SEMA3C: variants seen among roughly 807,000 people sequenced by gnomAD.
SEMA3C encodes the protein semaphorin 3C.
SEMA3C carries 47 observed loss-of-function variants against 89.4 expected under a neutral mutation model. That is an observed-to-expected ratio of 0.53 (90% confidence interval 0.42 to 0.67). The LOEUF (loss-of-function observed/expected upper bound fraction) is 0.67, where lower values mean the gene tolerates loss of function less well. SEMA3C is among the 30% of genes least tolerant of loss of function. The probability of loss-of-function intolerance (pLI) is 0.00; values close to 1 mark genes in which losing one functional copy is unlikely to be tolerated. For missense variants in SEMA3C, 839 were observed against 929.1 expected, an observed-to-expected ratio of 0.90 and a Z score of 1.26; for synonymous variants, 310 against 320.2, an observed-to-expected ratio of 0.97 and a Z score of 0.34.
intron 5 of SEMA3C, among the ~76,000 whole-genome samples, chr7:80,817,608 C>CATATTTGACTATACATTAGCTAT (rs537870867): frequency 0.024 from 3,637 of 152,000 alleles, 160 homozygotes; most frequent in African/African-American, 0.083. Flanking sequence ...CAACCAGCCT[C>CATATTTGACTATACATTAGCTAT]ATATTTGACT....
chr7:80,807,170 T>C (rs1789361239), intron 6 of SEMA3C, among the ~76,000 whole-genome samples: 1 of 152,224 alleles, frequency 6.6e-6, no homozygotes, highest in South Asian at 2.1e-4. Context: ...GGCAACTTTG[T>C]AAATAATTAT....
At chr7:80,857,096 C>T (rs1233499135) in intron 2 of SEMA3C, among the ~76,000 whole-genome samples, 1 of 152,126 alleles carries the variant, frequency 6.6e-6, no homozygotes, top group Non-Finnish European at 1.5e-5. Flanking sequence ...TCACCAATAT[C>T]TATTTTTTAA....
intron 6 of SEMA3C, among the ~76,000 whole-genome samples, chr7:80,807,556 T>A (rs1282103951): frequency 6.6e-6 from 1 of 152,214 alleles, no homozygotes; most frequent in African/African-American, 2.4e-5. Flanking sequence ...AGAAATAAAC[T>A]TGTGCCTTTT....
At position 80,893,562 on chromosome 7, in the gene SEMA3C, G is replaced by T. The variant is rs143300153; in HGVS notation, c.103+23117C>A. On this transcript the variant is annotated intron_variant, in intron 2 of 17. Coordinates refer to ENST00000265361, the MANE Select transcript of SEMA3C (RefSeq NM_006379.5). The stretch of plus-strand genomic sequence containing the variant: ...GGGATTGTAAGTTCATGGCAAGAAA[G>T]AAATTTACCAATTACTGATGTCTGT... 7.2e-5 allele frequency among the ~76,000 whole-genome samples: 11 copies of T among 152,142 alleles called. No individual in the cohort carries two copies. In the East Asian group the frequency reaches 2.1e-3, roughly 29 times the overall value.
chr7:80,772,313 G>A (rs1788450942), intron 12 of SEMA3C, among the ~76,000 whole-genome samples: 1 of 152,150 alleles, frequency 6.6e-6, no homozygotes, highest in African/African-American at 2.4e-5. Context: ...ACTGAATCAT[G>A]AGTTTATAAA....
chr7:80,747,197 GA>G (rs1210200568), intron 17 of SEMA3C, among the ~76,000 whole-genome samples: 5 of 151,772 alleles, frequency 3.3e-5, no homozygotes, highest in Non-Finnish European at 7.4e-5. Flanking sequence ...TTTGAGATTG[GA>G]AAAAAAGTCA....
rs762543934 is a variant in SEMA3C at position 80,810,685 on chromosome 7, A to G, written c.464T>C (p.Ile155Thr). 3 of 1,613,626 alleles carry G rather than the reference A, an allele frequency of 1.9e-6. No individual in the cohort carries two copies. The highest frequency in any genetic ancestry group is 2.5e-6 in the Non-Finnish European group (3 of 1,179,636). The change falls in exon 6 of 18, where the codon ATT becomes ACT. Residue 155 changes from isoleucine to threonine, a missense_variant. Transcript: ENST00000265361. ...GRRSEDQVFM[I>T]DSKCESGKGR... is the part of the protein sequence containing the mutation. ...TTTTCCAGATTCACACTTGGAGTCAATCATGAAAACTTGGTCCTTTATTGT... is the reference window on the plus strand; with the variant it reads ...TTTTCCAGATTCACACTTGGAGTCAGTCATGAAAACTTGGTCCTTTATTGT...
chr7:80,919,329 C>T, upstream of SEMA3C: 1 of 985,300 alleles, frequency 1.0e-6, no homozygotes, highest in South Asian at 4.7e-5. Context: ...CCTAGCTCCG[C>T]AACCCTGCTC....
At chr7:80,767,618 T>C (rs1662026802) in intron 12 of SEMA3C, among the ~76,000 whole-genome samples, 1 of 152,240 alleles carries the variant, frequency 6.6e-6, no homozygotes, top group Admixed American at 6.5e-5. Flanking sequence ...AGTTGGATCA[T>C]AAATATCAAG....
chr7:80,844,436 C>T (rs539072114), intron 2 of SEMA3C, among the ~76,000 whole-genome samples: 1 of 152,040 alleles, frequency 6.6e-6, no homozygotes, highest in Admixed American at 6.6e-5. Flanking sequence ...GAGTGTGGGC[C>T]CTGAGCTTGA....
chr7:80,824,296 G>T (rs1789821740), intron 4 of SEMA3C, among the ~76,000 whole-genome samples: 1 of 152,036 alleles, frequency 6.6e-6, no homozygotes, highest in Non-Finnish European at 1.5e-5. Flanking sequence ...TATAATAAAT[G>T]CACTACAAAC....
intron 2 of SEMA3C, among the ~76,000 whole-genome samples, chr7:80,837,507 C>T (rs1249408464): frequency 6.6e-6 from 1 of 152,158 alleles, no homozygotes; most frequent in African/African-American, 2.4e-5. Flanking sequence ...CCCTCCAGGC[C>T]TCCTATGATC....
rs148648584 is a variant in SEMA3C at position 80,779,343 on chromosome 7, A to T, written c.1354+9963T>A. On this transcript the variant is annotated intron_variant, in intron 12 of 17. Transcript: ENST00000265361. ...AGGAGATAAGTGTGCCATTTATTTT[A>T]AAAAAAAGGAATTCATTACTCTCCA... Among the ~76,000 whole-genome samples the T allele has an allele frequency of 3.6e-3, 554 of 151,964 alleles. 3 individuals carry two copies. Among genetic ancestry groups the T allele is most frequent in the African/African-American group, 7.3e-3 (304 of 41,456 alleles).
rs372796149 is a variant in SEMA3C at position 80,742,744 on chromosome 7, G to A, written c.*2150C>T. 9 of 151,866 alleles carry A rather than the reference G, an allele frequency of 5.9e-5. No individual in the cohort carries two copies. Among genetic ancestry groups the A allele is most frequent in the African/African-American group, 2.2e-4 (9 of 41,496 alleles). 9.4% of individuals were successfully genotyped at this position (151,866 alleles called of 1,614,324 possible). On this transcript the variant is annotated 3_prime_UTR_variant, in exon 18 of 18. Transcript: ENST00000265361. ...GAAAATTTTATGTACAATACAAATG[G>A]AATAGATATTAAGTCACTGAATTGT...
At position 80,744,388 on chromosome 7, in the gene SEMA3C, A is replaced by G. The variant is rs1527475; in HGVS notation, c.*506T>C. 142,547 of 153,112 alleles carry G rather than the reference A, an allele frequency of 0.93. 67,113 individuals carry two copies. The highest frequency in any genetic ancestry group is 1 in the East Asian group (5,188 of 5,188). 9.5% of individuals were successfully genotyped at this position (153,112 alleles called of 1,614,324 possible). On this transcript the variant is annotated 3_prime_UTR_variant, in exon 18 of 18. Coordinates refer to ENST00000265361, the MANE Select transcript of SEMA3C (RefSeq NM_006379.5). ...ATCATTTTCTCTTTATGAATAACTC[A>G]TGTTTTTATACAACTTTAAATGCTG...
At chr7:80,910,317 C>T (rs1286455593) in intron 2 of SEMA3C, among the ~76,000 whole-genome samples, 1 of 152,198 alleles carries the variant, frequency 6.6e-6, no homozygotes, top group Admixed American at 6.5e-5. Context: ...ACAGCTCATT[C>T]TCATTGGATA....
At chr7:80,777,472 A>G (rs1262761172) in intron 12 of SEMA3C, among the ~76,000 whole-genome samples, 2 of 152,106 alleles carry the variant, frequency 1.3e-5, no homozygotes, top group African/African-American at 4.8e-5. Flanking sequence ...TTGTATTTTT[A>G]GTAGAGACGG....
Position 80,916,760 on chromosome 7 carries a change from C to T in SEMA3C, c.22G>A (p.Val8Met), listed in dbSNP as rs745820276. 1.6e-5 allele frequency: 26 copies of T among 1,613,308 alleles called. No individual in the cohort carries two copies. Among genetic ancestry groups the T allele is most frequent in the Admixed American group, 3.3e-5 (2 of 59,978 alleles). Residue 8 changes from valine to methionine, a missense_variant, in exon 2 of 18, where the codon GTG (valine) becomes ATG (methionine). Val to Met is a conservative substitution (Grantham distance 21). Coordinates refer to ENST00000265361, the MANE Select transcript of SEMA3C (RefSeq NM_006379.5). MAFRTIC[V>M]LVGVFICSIC... ...GAACAAATAAATACTCCAACCAACA[C>T]GCAAATTGTCCGGAATGCCATTTCT...
intron 12 of SEMA3C, among the ~76,000 whole-genome samples, chr7:80,773,013 A>G (rs1788468597): frequency 6.6e-6 from 1 of 152,176 alleles, no homozygotes; most frequent in Non-Finnish European, 1.5e-5. Flanking sequence ...GAGAAGAAAC[A>G]TGTGTTTGCT....
Sources: gnomAD v4.1 joint callset for allele counts (sites outside exome capture counted in the v4.1 genomes callset) on GRCh38, gnomAD v4.1.1 for gene constraint, MANE v1.5 for transcripts, NCBI Gene and HGNC (gene_info 2026-07-23, HGNC 2026-07-21) for gene names.